The following FBXL7 variants were observed in gnomAD, a reference collection of about 807,000 sequenced individuals.
FBXL7 encodes F-box and leucine rich repeat protein 7.
A neutral mutation model predicts 38.3 loss-of-function variants in FBXL7; 12 were observed. The observed-to-expected ratio is 0.31, with a 90% CI of 0.20 to 0.51. FBXL7 has a LOEUF of 0.51. Among genes scored for constraint, FBXL7 ranks in the 20% least tolerant of loss-of-function variants. The probability of loss-of-function intolerance (pLI) is 0.98; values close to 1 mark genes in which losing one functional copy is unlikely to be tolerated. For synonymous variants in FBXL7, 297 were observed against 300.9 expected (o/e 0.99, Z 0.13); for missense variants, 567 against 676.4 (o/e 0.84, Z 1.79).
At chr5:15,803,449 A>T (rs1474492263) in intron 2 of FBXL7, among the ~76,000 whole-genome samples, 1 of 152,152 alleles carries the variant, frequency 6.6e-6, no homozygotes, top group Non-Finnish European at 1.5e-5. Context: ...CTTGCTATCA[A>T]TTTCGTATTG....
At chr5:15,631,659 C>G (rs566165155) in intron 2 of FBXL7, among the ~76,000 whole-genome samples, 1 of 106,262 alleles carries the variant, frequency 9.4e-6, no homozygotes, top group Non-Finnish European at 1.7e-5. Flanking sequence ...GCAACAAGAG[C>G]GAGACTCCAA....
intron 1 of FBXL7, among the ~76,000 whole-genome samples, chr5:15,509,776 A>G (rs763458914): frequency 6.6e-6 from 1 of 152,168 alleles, no homozygotes; most frequent in Non-Finnish European, 1.5e-5. Flanking sequence ...GTTCCGTGTA[A>G]GTGAGGACCA....
At chr5:15,837,647 A>C (rs1386061385) in intron 2 of FBXL7, among the ~76,000 whole-genome samples, 1 of 152,240 alleles carries the variant, frequency 6.6e-6, no homozygotes, top group East Asian at 1.9e-4. Flanking sequence ...TTTATTATCT[A>C]ATCACTTCCC....
At chr5:15,885,905 G>C (rs1167517690) in intron 2 of FBXL7, among the ~76,000 whole-genome samples, 1 of 150,758 alleles carries the variant, frequency 6.6e-6, no homozygotes, top group African/African-American at 2.4e-5. Flanking sequence ...TTTTTTTGTA[G>C]AGACGAGGTT....
At chr5:15,547,750 C>T (rs944067670) in intron 1 of FBXL7, among the ~76,000 whole-genome samples, 5 of 152,162 alleles carry the variant, frequency 3.3e-5, no homozygotes, top group African/African-American at 9.7e-5. Context: ...AGAAAGAGTC[C>T]GGGATATTCT....
intron 1 of FBXL7, among the ~76,000 whole-genome samples, chr5:15,605,486 A>T (rs1456544160): frequency 6.6e-6 from 1 of 152,196 alleles, no homozygotes; most frequent in East Asian, 1.9e-4. Flanking sequence ...TAGATACAGA[A>T]GAAATAATAT....
intron 2 of FBXL7, among the ~76,000 whole-genome samples, chr5:15,663,383 T>G (rs1254180932): frequency 6.6e-6 from 1 of 152,184 alleles, no homozygotes; most frequent in Non-Finnish European, 1.5e-5. Context: ...TTTTATCAGC[T>G]GAAGAAGCTT....
intron 1 of FBXL7, among the ~76,000 whole-genome samples, chr5:15,503,073 G>A (rs1736541504): frequency 6.6e-6 from 1 of 152,146 alleles, no homozygotes; most frequent in African/African-American, 2.4e-5. Context: ...CCTGTGAACT[G>A]CAACCTAACT....
intron 1 of FBXL7, among the ~76,000 whole-genome samples, chr5:15,540,993 C>G (rs1159569863): frequency 3.3e-5 from 5 of 151,966 alleles, no homozygotes; most frequent in Non-Finnish European, 7.4e-5. Context: ...TTAAGATTTT[C>G]TTTCATTTAC....
At chr5:15,642,419 A>G (rs1741397749) in intron 2 of FBXL7, among the ~76,000 whole-genome samples, 1 of 152,190 alleles carries the variant, frequency 6.6e-6, no homozygotes, top group Non-Finnish European at 1.5e-5. Flanking sequence ...TGTTCAACTC[A>G]CAGAGTAAGA....
chr5:15,653,619 A>G (rs1038896832), intron 2 of FBXL7, among the ~76,000 whole-genome samples: 1 of 152,220 alleles, frequency 6.6e-6, no homozygotes, highest in Middle Eastern at 3.2e-3. Context: ...ATCTGCTGCA[A>G]TGTGCTCCAA....
At chr5:15,930,978 T>A (rs1742024028) in intron 3 of FBXL7, among the ~76,000 whole-genome samples, 1 of 152,224 alleles carries the variant, frequency 6.6e-6, no homozygotes, top group Non-Finnish European at 1.5e-5. Flanking sequence ...GTGGCCACAT[T>A]CTCAGTGGCA....
At chr5:15,807,319 T>C (rs365234) in intron 2 of FBXL7, among the ~76,000 whole-genome samples, 87,059 of 152,012 alleles carry the variant, frequency 0.57, 25,476 homozygotes, top group Non-Finnish European at 0.64. Context: ...AAATACACCA[T>C]GCTGGTACTT....
intron 1 of FBXL7, among the ~76,000 whole-genome samples, chr5:15,524,361 G>T (rs80333777): frequency 2.0e-5 from 3 of 151,908 alleles, no homozygotes; most frequent in African/African-American, 4.8e-5. Flanking sequence ...TAACTTCTTG[G>T]GGGGGCTGAA....
intron 1 of FBXL7, among the ~76,000 whole-genome samples, chr5:15,530,434 T>A (rs887522772): frequency 6.6e-6 from 1 of 152,186 alleles, no homozygotes; most frequent in Non-Finnish European, 1.5e-5. Context: ...ATGAGCCTTA[T>A]TTGTTCATTA....
rs57823645 is a variant in FBXL7, at chr5:15,634,313, CTTTTTT to C, written c.127+18260_127+18265del. Among the ~76,000 whole-genome samples the C allele has an allele frequency of 8.5e-4, 95 of 112,270 alleles. 1 individual carries two copies. Among genetic ancestry groups the C allele is most frequent in the African/African-American group, 2.7e-3 (83 of 31,186 alleles). 73.7% of individuals were successfully genotyped at this position (112,270 alleles called of 152,430 possible). A position where few individuals can be genotyped will look rare whatever the true frequency, so the allele number is the denominator to read the frequency against. ...AACCTAAAACTTTATATGTTCGTTT[CTTTTTT>C]TTTTTTTTTTTTTTTTTTAAAAGAC... On this transcript the variant is annotated intron_variant, in intron 2 of 3. Transcript: ENST00000504595.
At chr5:15,867,372 A>G (rs1463607914) in intron 2 of FBXL7, among the ~76,000 whole-genome samples, 1 of 152,178 alleles carries the variant, frequency 6.6e-6, no homozygotes, top group Non-Finnish European at 1.5e-5. Flanking sequence ...TCCTACAGAA[A>G]GCCTGTCTTG....
At chr5:15,918,948 G>T (rs1741671263) in intron 2 of FBXL7, among the ~76,000 whole-genome samples, 3 of 152,302 alleles carry the variant, frequency 2.0e-5, no homozygotes, top group South Asian at 2.1e-4. Flanking sequence ...TAGGTTCTAG[G>T]TTGTGTAGAT....
At chr5:15,638,304 C>G (rs1258383183) in intron 2 of FBXL7, among the ~76,000 whole-genome samples, 1 of 152,082 alleles carries the variant, frequency 6.6e-6, no homozygotes, top group East Asian at 1.9e-4. Flanking sequence ...TAGGGTTGTT[C>G]CTGTGTGTGA....
Sources: gnomAD v4.1 joint callset for allele counts (sites outside exome capture counted in the v4.1 genomes callset) on GRCh38, gnomAD v4.1.1 for gene constraint, MANE v1.5 for transcripts, NCBI Gene and HGNC (gene_info 2026-07-23, HGNC 2026-07-21) for gene names.